Variants in BMPR1B observed in about 807,000 individuals in gnomAD.
BMPR1B encodes bone morphogenetic protein receptor type 1B.
Under a neutral mutation model 59.1 loss-of-function variants are expected in BMPR1B, and 12 were observed. The observed-to-expected ratio is 0.20, with a 90% CI of 0.13 to 0.33. The LOEUF is 0.33. Among genes scored for constraint, BMPR1B ranks in the 10% least tolerant of loss-of-function variants. BMPR1B has a pLI of 1.00. For missense variants in BMPR1B, 550 were observed against 610.9 expected (o/e 0.90, Z 1.05); for synonymous variants, 237 against 207.3 (o/e 1.14, Z -1.23).
At chr4:95,108,836 G>A (rs1376621419) in intron 4 of BMPR1B, among the ~76,000 whole-genome samples, 1 of 151,896 alleles carries the variant, frequency 6.6e-6, no homozygotes, top group East Asian at 1.9e-4. Flanking sequence ...GTGTCAATTT[G>A]CGTTGTAATC....
intron 1 of BMPR1B, among the ~76,000 whole-genome samples, chr4:94,815,756 G>A (rs1196088043): frequency 1.3e-5 from 2 of 152,118 alleles, no homozygotes; most frequent in East Asian, 3.9e-4. Flanking sequence ...ATGTACTTTG[G>A]TTATTATAAG....
intron 6 of BMPR1B, among the ~76,000 whole-genome samples, chr4:95,122,245 A>G (rs1732582952): frequency 6.6e-6 from 1 of 152,138 alleles, no homozygotes; most frequent in South Asian, 2.1e-4. Flanking sequence ...GCTGAGGCAC[A>G]GAATCGCTTG....
intron 1 of BMPR1B, among the ~76,000 whole-genome samples, chr4:94,785,074 C>A (rs1419734143): frequency 1.3e-5 from 2 of 152,174 alleles, no homozygotes; most frequent in Non-Finnish European, 1.5e-5. Context: ...GGAGCTGAGA[C>A]AAATGGTCTC....
intron 1 of BMPR1B, among the ~76,000 whole-genome samples, chr4:94,833,858 C>T (rs140955472): frequency 1.6e-4 from 24 of 152,210 alleles, no homozygotes; most frequent in African/African-American, 5.5e-4. Flanking sequence ...GGGTATTACA[C>T]ATATTAGGGT....
At chr4:95,107,152 C>T (rs1164728279) in intron 4 of BMPR1B, among the ~76,000 whole-genome samples, 1 of 151,970 alleles carries the variant, frequency 6.6e-6, no homozygotes, top group Non-Finnish European at 1.5e-5. Context: ...ATGACTTGGC[C>T]ATGAGACATT....
chr4:95,010,837 C>T (rs1465904305), intron 3 of BMPR1B, among the ~76,000 whole-genome samples: 1 of 152,126 alleles, frequency 6.6e-6, no homozygotes, highest in African/African-American at 2.4e-5. Flanking sequence ...GATTCTCTCT[C>T]CTACTAGAAA....
chr4:94,765,372 G>A (rs1161179908), intron 1 of BMPR1B, among the ~76,000 whole-genome samples: 1 of 152,098 alleles, frequency 6.6e-6, no homozygotes, highest in Non-Finnish European at 1.5e-5. Flanking sequence ...ATCAATGTAT[G>A]CATTCTGAAA....
intron 1 of BMPR1B, among the ~76,000 whole-genome samples, chr4:94,841,190 T>C (rs1725051452): frequency 6.7e-6 from 1 of 149,672 alleles, no homozygotes; most frequent in African/African-American, 2.5e-5. Context: ...GACATTTAAG[T>C]CTGCAGAGGT....
intron 1 of BMPR1B, among the ~76,000 whole-genome samples, chr4:94,849,683 G>C (rs1370222253): frequency 6.6e-6 from 1 of 151,968 alleles, no homozygotes; most frequent in African/African-American, 2.4e-5. Context: ...GGCTCAGGTA[G>C]GTACACAGCC....
At chr4:95,024,577 C>A (rs1724218148) in intron 3 of BMPR1B, among the ~76,000 whole-genome samples, 2 of 152,128 alleles carry the variant, frequency 1.3e-5, no homozygotes, top group Admixed American at 6.6e-5. Context: ...GGGTTTACTT[C>A]ACCAGTTTCC....
intron 1 of BMPR1B, among the ~76,000 whole-genome samples, chr4:94,771,758 G>A (rs1295212246): frequency 6.6e-6 from 1 of 152,032 alleles, no homozygotes; most frequent in Non-Finnish European, 1.5e-5. Flanking sequence ...TCCGTCTATT[G>A]TCTAACTACA....
In BMPR1B at chr4:94,957,333, GTTT is replaced by G. The variant is rs56341742; in HGVS notation, c.-112-38682_-112-38680del. Among the ~76,000 whole-genome samples the G allele has an allele frequency of 6.6e-3, 433 of 65,642 alleles. 2 individuals are homozygous for G. The highest frequency in any genetic ancestry group is 0.014 in the African/African-American group (260 of 17,958). The allele number at this position is 65,642 out of a possible 152,430, so 43.1% of individuals were successfully genotyped here. ...ACAGAGAGTCCACCTCCTGTTTCGT[GTTT>G]TTTTTTTTTTTTTTTTTTTTTTTTC... On this transcript the variant is annotated intron_variant, in intron 2 of 12. Transcript: ENST00000515059.
intron 3 of BMPR1B, chr4:95,103,486 G>C: frequency 1.0e-6 from 1 of 985,266 alleles, no homozygotes; most frequent in Non-Finnish European, 1.2e-6. Flanking sequence ...GCATGTATAA[G>C]AGCTCTTACC....
intron 2 of BMPR1B, among the ~76,000 whole-genome samples, chr4:94,888,067 A>G (rs937899099): frequency 2.0e-5 from 3 of 152,228 alleles, no homozygotes; most frequent in Admixed American, 1.3e-4. Flanking sequence ...ACAAGGAAAC[A>G]ATGGAACAGT....
chr4:94,988,526 T>C (rs1255105159), intron 2 of BMPR1B, among the ~76,000 whole-genome samples: 1 of 152,234 alleles, frequency 6.6e-6, no homozygotes, highest in Non-Finnish European at 1.5e-5. Flanking sequence ...TTATGTGATG[T>C]CATATAAAAG....
At chr4:94,854,072 A>G (rs1220634250) in intron 1 of BMPR1B, among the ~76,000 whole-genome samples, 1 of 152,088 alleles carries the variant, frequency 6.6e-6, no homozygotes, top group Non-Finnish European at 1.5e-5. Flanking sequence ...TGTTTGAATT[A>G]TTTGCATTTC....
intron 2 of BMPR1B, among the ~76,000 whole-genome samples, chr4:94,937,196 G>A (rs1186322791): frequency 1.3e-5 from 2 of 152,066 alleles, no homozygotes; most frequent in East Asian, 1.9e-4. Flanking sequence ...TCTGTTAGTT[G>A]AATGCCATTC....
At chr4:95,128,552 C>G (rs1179374295) in intron 8 of BMPR1B, among the ~76,000 whole-genome samples, 2 of 152,090 alleles carry the variant, frequency 1.3e-5, no homozygotes, top group East Asian at 3.9e-4. Flanking sequence ...TTTAATGCCA[C>G]TTAACTCATA....
At chr4:94,893,265 C>T (rs2148992394) in intron 2 of BMPR1B, among the ~76,000 whole-genome samples, 1 of 152,076 alleles carries the variant, frequency 6.6e-6, no homozygotes, top group South Asian at 2.1e-4. Flanking sequence ...GCAAACCTAA[C>T]ATTCTCCTTT....
Sources: allele counts gnomAD v4.1 joint callset (sites outside exome capture counted in the v4.1 genomes callset), GRCh38; gene constraint gnomAD v4.1.1; transcripts MANE v1.5; gene names NCBI Gene and HGNC (gene_info 2026-07-23, HGNC 2026-07-21).